PCSK5: variants seen among roughly 807,000 people sequenced by gnomAD.
The protein encoded by PCSK5 is prohormone convertase 5.
Under a neutral mutation model 233.2 loss-of-function variants are expected in PCSK5, and 129 were observed. The ratio of observed to expected loss-of-function variants is 0.55; its 90% CI spans 0.48 to 0.64. The LOEUF (loss-of-function observed/expected upper bound fraction) is 0.64. PCSK5 is among the 30% of genes least tolerant of loss of function. PCSK5 has a pLI of 0.00. For synonymous variants in PCSK5, 825 were observed against 879.2 expected (o/e 0.94, Z 1.09); for missense variants, 2,076 against 2,430.1 (o/e 0.85, Z 3.06).
chr9:76,181,738 T>C (rs1823882087), intron 16 of PCSK5, 147 bp downstream of exon 16: 1 of 588,268 alleles, frequency 1.7e-6, no homozygotes, highest in African/African-American at 1.9e-5. Context: ...GAGAACCCTT[T>C]AGAAGCTTCA....
Position 76,140,610 on chromosome 9 carries a change from G to T in PCSK5, c.1312+6398G>T, listed in dbSNP as rs565399051. Among the ~76,000 whole-genome samples, 8 of 152,024 alleles carry T rather than the reference G, an allele frequency of 5.3e-5. No homozygotes were observed. The East Asian group carries it at 1.5e-3, about 29-fold the overall frequency. On this transcript the variant is annotated intron_variant, in intron 10 of 37. Coordinates refer to ENST00000674117, the MANE Select transcript of PCSK5 (RefSeq NM_001372043.1). The stretch of plus-strand genomic sequence containing the variant: ...AGTGGGCTAGAGAAAATATATCAAG[G>T]ACTTTATAATAAAATTATTACTAAT...
Position 76,174,376 on chromosome 9 carries a change from C to G in PCSK5, c.1757-610C>G, listed in dbSNP as rs1018166340. ...GGCTGGAGTGCAGTGGCGTGATCTCCGCTCTCTGCAACCTCCGCCTCCCAG... is the reference window on the plus strand; with the variant it reads ...GGCTGGAGTGCAGTGGCGTGATCTCGGCTCTCTGCAACCTCCGCCTCCCAG... On this transcript the variant is annotated intron_variant, in intron 13 of 37. Coordinates refer to ENST00000674117, the MANE Select transcript of PCSK5 (RefSeq NM_001372043.1). 1.8e-3 allele frequency among the ~76,000 whole-genome samples: 279 copies of G among 151,676 alleles called. 1 individual carries two copies. Among genetic ancestry groups the G allele is most frequent in the Non-Finnish European group, 7.2e-4 (49 of 67,880 alleles).
At chr9:76,186,819 G>A (rs1354443612) in intron 17 of PCSK5, among the ~76,000 whole-genome samples, 1 of 152,178 alleles carries the variant, frequency 6.6e-6, no homozygotes, top group Non-Finnish European at 1.5e-5. Context: ...CTACAGAAAG[G>A]GAAAGGGATT....
chr9:76,149,928 C>T lies in PCSK5; in HGVS notation c.1313-7117C>T, dbSNP rs191175728. ...TTCTTTTCTTAAAATGGATAGAGGC[C>T]CTTGACAGAAAGCAGACATATCTCC... On this transcript the variant is annotated intron_variant, in intron 10 of 37. Coordinates refer to ENST00000674117, the MANE Select transcript of PCSK5 (RefSeq NM_001372043.1). 1.2e-4 allele frequency among the ~76,000 whole-genome samples: 18 copies of T among 152,000 alleles called. No homozygotes were observed. In the East Asian group the frequency reaches 3.5e-3, roughly 29 times the overall value.
At chr9:76,351,447 G>GAAAGGAAAGAAGAAAGAGA (rs1491332963) in intron 36 of PCSK5, among the ~76,000 whole-genome samples, 1 of 27,460 alleles carries the variant, frequency 3.6e-5, no homozygotes, top group Non-Finnish European at 7.7e-5. Flanking sequence ...GTGAAAGAAA[G>GAAAGGAAAGAAGAAAGAGA]GAAAGAAAGA....
At position 76,167,970 on chromosome 9, in the gene PCSK5, ACT is replaced by A. The variant is rs539599766; in HGVS notation, c.1620-1731_1620-1730del. ...TTGCCTCGCTCACTTGCAATATTTT[ACT>A]CTTTTTTTATTTTTTTCAGTGAAAT... is the stretch of plus-strand genomic sequence containing the variant. On this transcript the variant is annotated intron_variant, in intron 12 of 37. Transcript: ENST00000674117. Among the ~76,000 whole-genome samples the A allele has an allele frequency of 1.5e-4, 23 of 151,602 alleles. No individual in the cohort carries two copies. The East Asian group carries it at 4.1e-3, about 27-fold the overall frequency.
At chr9:75,969,208 A>G (rs1389911905) in intron 2 of PCSK5, among the ~76,000 whole-genome samples, 1 of 152,230 alleles carries the variant, frequency 6.6e-6, no homozygotes, top group South Asian at 2.1e-4. Context: ...GCCAGTTCTC[A>G]GAGCTTAATG....
At chr9:76,279,317 G>T (rs1043618110) in intron 24 of PCSK5, among the ~76,000 whole-genome samples, 1 of 149,116 alleles carries the variant, frequency 6.7e-6, no homozygotes, top group African/African-American at 2.6e-5. Context: ...TATCATTGTT[G>T]GGCATTTGGG....
chr9:76,274,722 T>G (rs553205618), intron 24 of PCSK5, among the ~76,000 whole-genome samples: 1 of 152,294 alleles, frequency 6.6e-6, no homozygotes, highest in Non-Finnish European at 1.5e-5. Flanking sequence ...AGGGGTTTTT[T>G]TGTTGTTTTA....
intron 30 of PCSK5, among the ~76,000 whole-genome samples, chr9:76,316,636 G>A: frequency 6.7e-6 from 1 of 149,334 alleles, no homozygotes; most frequent in South Asian, 2.1e-4. Flanking sequence ...TACTCAGGAG[G>A]CCAAAGTGGG....
chr9:75,921,885 A>C (rs1450397490), intron 1 of PCSK5, among the ~76,000 whole-genome samples: 1 of 152,228 alleles, frequency 6.6e-6, no homozygotes. Flanking sequence ...CTGTAAGTTG[A>C]ATGTTGAACC....
At chr9:75,908,779 C>T (rs2131220967) in intron 1 of PCSK5, among the ~76,000 whole-genome samples, 1 of 152,130 alleles carries the variant, frequency 6.6e-6, no homozygotes, top group South Asian at 2.1e-4. Context: ...TTGTATGCTT[C>T]TTTTTATTGG....
chr9:76,002,846 C>G (rs541514446), intron 3 of PCSK5, among the ~76,000 whole-genome samples: 69 of 152,298 alleles, frequency 4.5e-4, no homozygotes, highest in African/African-American at 1.6e-3. Flanking sequence ...TGATCTCTCC[C>G]ATTGCTGGAT....
intron 5 of PCSK5, among the ~76,000 whole-genome samples, chr9:76,028,872 C>T (rs983845032): frequency 2.0e-5 from 3 of 152,118 alleles, no homozygotes; most frequent in South Asian, 2.1e-4. Flanking sequence ...TAGGAATGAA[C>T]GAGGACAGCT....
intron 24 of PCSK5, among the ~76,000 whole-genome samples, chr9:76,269,944 T>C (rs1402606303): frequency 6.6e-6 from 1 of 152,182 alleles, no homozygotes; most frequent in Non-Finnish European, 1.5e-5. Context: ...GACTTGAAGA[T>C]ACACAAAAGA....
At chr9:75,965,546 G>C (rs79000046) in intron 2 of PCSK5, among the ~76,000 whole-genome samples, 1,863 of 152,232 alleles carry the variant, frequency 0.012, 42 homozygotes, top group African/African-American at 0.042. Context: ...TCTGCTTTTT[G>C]TTTTATTCAG....
At chr9:75,890,291 C>CTTAA (rs917629583), upstream of PCSK5, among the ~76,000 whole-genome samples, 5 of 152,224 alleles carry the variant, frequency 3.3e-5, no homozygotes, top group African/African-American at 1.2e-4. Flanking sequence ...AAGTGACCTC[C>CTTAA]TTAAATGCCT....
intron 6 of PCSK5, among the ~76,000 whole-genome samples, chr9:76,071,515 T>G (rs576006257): frequency 6.6e-6 from 1 of 152,288 alleles, no homozygotes; most frequent in Non-Finnish European, 1.5e-5. Context: ...ATTAAAAAAA[T>G]TGAAGTTTTG....
chr9:76,246,867 C>G lies in PCSK5; in HGVS notation c.3142+6183C>G, dbSNP rs577052512. On this transcript the variant is annotated intron_variant, in intron 24 of 37. Coordinates refer to ENST00000674117, the MANE Select transcript of PCSK5 (RefSeq NM_001372043.1). ...TTACCAGGGGTCCTTGCTCCCAGAG[C>G]TCCTAAGATGGTGGCAGGCCACTTC... Among the ~76,000 whole-genome samples, 4 of 152,350 alleles carry G rather than the reference C, an allele frequency of 2.6e-5. No homozygotes were observed. In the South Asian group the frequency reaches 8.3e-4, roughly 32 times the overall value.
Sources: gnomAD v4.1 joint callset for allele counts (sites outside exome capture counted in the v4.1 genomes callset) on GRCh38, gnomAD v4.1.1 for gene constraint, MANE v1.5 for transcripts, NCBI Gene and HGNC (gene_info 2026-07-23, HGNC 2026-07-21) for gene names.